The following FGGY variants were observed in gnomAD, a reference collection of about 807,000 sequenced individuals.
FGGY encodes FGGY carbohydrate kinase domain-containing protein.
In FGGY, 72 loss-of-function variants were observed where a neutral mutation model predicts 71.3. The ratio of observed to expected loss-of-function variants is 1.01; its 90% confidence interval spans 0.84 to 1.23. FGGY has a LOEUF of 1.23. Among genes scored for constraint, FGGY ranks in the 50% most tolerant of loss-of-function variants. FGGY has a pLI of 0.00. For missense variants in FGGY, 668 were observed against 682.3 expected, an observed-to-expected ratio of 0.98 and a Z score of 0.23; for synonymous variants, 251 against 250.3, an observed-to-expected ratio of 1.00 and a Z score of -0.02.
intron 14 of FGGY, chr1:59,697,506 A>G (rs2097671570): frequency 2.4e-6 from 1 of 411,150 alleles, no homozygotes; most frequent in South Asian, 1.8e-5. Context: ...AGGTTTATCC[A>G]TGCTGTAGCA....
At chr1:59,659,225 T>A (rs2097252195) in intron 11 of FGGY, among the ~76,000 whole-genome samples, 1 of 152,144 alleles carries the variant, frequency 6.6e-6, no homozygotes, top group Non-Finnish European at 1.5e-5. Context: ...TTCCCAAGTT[T>A]CCTGGTTTGG....
At chr1:59,371,199 A>G (rs1168020857) in intron 4 of FGGY, among the ~76,000 whole-genome samples, 2 of 152,280 alleles carry the variant, frequency 1.3e-5, no homozygotes, top group African/African-American at 2.4e-5. Context: ...TCAAAATAAC[A>G]GGATGGAGGA....
intron 7 of FGGY, among the ~76,000 whole-genome samples, chr1:59,551,268 T>G (rs1027524465): frequency 6.6e-6 from 1 of 152,238 alleles, no homozygotes; most frequent in Non-Finnish European, 1.5e-5. Flanking sequence ...TTTCTCATAA[T>G]AGCACACTAG....
intron 5 of FGGY, among the ~76,000 whole-genome samples, chr1:59,405,388 A>T (rs939027871): frequency 6.6e-6 from 1 of 152,138 alleles, no homozygotes; most frequent in African/African-American, 2.4e-5. Context: ...TCCTGGTTGG[A>T]AGTTGAAGAA....
intron 6 of FGGY, among the ~76,000 whole-genome samples, chr1:59,507,673 A>C (rs1048852526): frequency 6.9e-4 from 93 of 135,248 alleles, no homozygotes; most frequent in Non-Finnish European, 1.2e-3. Context: ...AACTGCAACC[A>C]TGCTTGGCTA....
At position 59,528,749 on chromosome 1, in the gene FGGY, CT is replaced by C. The variant is rs2095060973; in HGVS notation, c.799+16312del. Among the ~76,000 whole-genome samples the C allele has an allele frequency of 2.0e-5, 3 of 152,174 alleles. No individual in the cohort carries two copies. The South Asian group carries it at 6.2e-4, about 32-fold the overall frequency. ...TAATATGAATGAAAACTTTATATGC[CT>C]TCTGGATTGAGGCCTCTCACAGCTC... On this transcript the variant is annotated intron_variant, in intron 7 of 15. Transcript: ENST00000303721.
chr1:59,368,476 C>A (rs2056952417), intron 4 of FGGY, among the ~76,000 whole-genome samples: 1 of 152,178 alleles, frequency 6.6e-6, no homozygotes. Context: ...TGTGGTCTGA[C>A]CCCCAGTTCC....
chr1:59,629,065 G>A (rs148546803), intron 10 of FGGY, among the ~76,000 whole-genome samples: 10 of 152,190 alleles, frequency 6.6e-5, no homozygotes, highest in East Asian at 1.9e-4. Context: ...GAGGCCTGTC[G>A]TGGGATGGGG....
intron 8 of FGGY, among the ~76,000 whole-genome samples, chr1:59,599,126 C>T (rs546657404): frequency 2.3e-4 from 33 of 146,320 alleles, no homozygotes; most frequent in Admixed American, 1.6e-3. Context: ...GTTTTTGAGA[C>T]GGAGTCTCAC....
At chr1:59,465,533 A>T (rs547242511) in intron 6 of FGGY, among the ~76,000 whole-genome samples, 1 of 152,350 alleles carries the variant, frequency 6.6e-6, no homozygotes, top group East Asian at 1.9e-4. Flanking sequence ...AAAGAAATAA[A>T]GGGTATTCAA....
intron 7 of FGGY, among the ~76,000 whole-genome samples, chr1:59,535,857 C>G (rs1187200297): frequency 4.1e-5 from 6 of 147,790 alleles, no homozygotes; most frequent in Admixed American, 4.0e-4. Flanking sequence ...ATTTATAGCA[C>G]TAAATGCCCA....
chr1:59,488,884 A>G (rs1482493983), intron 6 of FGGY, among the ~76,000 whole-genome samples: 1 of 152,078 alleles, frequency 6.6e-6, no homozygotes, highest in African/African-American at 2.4e-5. Flanking sequence ...GTTTCTTTCC[A>G]GGAAGATTTT....
chr1:59,610,419 T>G (rs2096663502), intron 9 of FGGY, among the ~76,000 whole-genome samples: 1 of 152,252 alleles, frequency 6.6e-6, no homozygotes, highest in African/African-American at 2.4e-5. Context: ...TCATGCCTTT[T>G]TATGAAGGCA....
At chr1:59,455,563 C>G (rs185173018) in intron 5 of FGGY, among the ~76,000 whole-genome samples, 1 of 152,042 alleles carries the variant, frequency 6.6e-6, no homozygotes, top group African/African-American at 2.4e-5. Flanking sequence ...GAAGTTAGAG[C>G]GTAGCAATTG....
At position 59,554,126 on chromosome 1, in the gene FGGY, G is replaced by A; in HGVS notation, c.802G>A (p.Val268Met). The change falls in exon 8 of 16, where the codon GTG becomes ATG. Residue 268 changes from valine to methionine, a missense_variant and splice_region_variant. Val to Met is a conservative substitution (Grantham distance 21, BLOSUM62 1). Transcript: ENST00000303721. ...GTTTTTGTTTTCCTTTCTCACAGGAGTGATTGGGGCAGATGTGAGAGGGCA... is the reference window on the plus strand; with the variant it reads ...GTTTTTGTTTTCCTTTCTCACAGGAATGATTGGGGCAGATGTGAGAGGGCA... ...LIDAHAGGLG[V>M]IGADVRGHGL... The A allele has an allele frequency of 6.2e-7, 1 of 1,600,308 alleles. No individual in the cohort carries two copies. The highest frequency in any genetic ancestry group is 8.6e-7 in the Non-Finnish European group (1 of 1,168,954).
intron 11 of FGGY, among the ~76,000 whole-genome samples, chr1:59,653,693 A>G (rs1338625877): frequency 6.6e-6 from 1 of 152,206 alleles, no homozygotes; most frequent in Non-Finnish European, 1.5e-5. Flanking sequence ...TCAGATGGAA[A>G]TGCGGAAATC....
At chr1:59,716,413 T>C (rs1314666737) in intron 14 of FGGY, among the ~76,000 whole-genome samples, 3 of 152,200 alleles carry the variant, frequency 2.0e-5, no homozygotes, top group African/African-American at 4.8e-5. Context: ...AACAACTCTA[T>C]GAGGTTGGTA....
chr1:59,475,012 C>G (rs536833151), intron 6 of FGGY, among the ~76,000 whole-genome samples: 1 of 152,282 alleles, frequency 6.6e-6, no homozygotes. Flanking sequence ...AATGAAAGTT[C>G]TTACTACTAT....
intron 2 of FGGY, among the ~76,000 whole-genome samples, chr1:59,322,277 TC>T (rs553417996): frequency 6.8e-6 from 1 of 147,994 alleles, no homozygotes; most frequent in Non-Finnish European, 1.5e-5. Context: ...AGAGGTGCGC[TC>T]TTTTTTTTTT....
Sources: allele counts gnomAD v4.1 joint callset (sites outside exome capture counted in the v4.1 genomes callset), GRCh38; gene constraint gnomAD v4.1.1; transcripts MANE v1.5; gene names NCBI Gene and HGNC (gene_info 2026-07-23, HGNC 2026-07-21).